The following CNBD1 variants were observed in gnomAD, a reference collection of about 807,000 sequenced individuals.
CNBD1 encodes cyclic nucleotide-binding domain-containing protein 1.
A neutral mutation model predicts 54.4 loss-of-function variants in CNBD1; 71 were observed. The observed-to-expected ratio is 1.30, with a 90% CI of 1.08 to 1.59. CNBD1 has a LOEUF of 1.59. CNBD1 is among the 40% of genes most tolerant of loss of function. The pLI, the probability that CNBD1 is intolerant of heterozygous loss-of-function variation, is 0.00. For synonymous variants in CNBD1, 182 were observed against 170.7 expected (o/e 1.07, Z -0.51); for missense variants, 659 against 518.0 (o/e 1.27, Z -2.64).
chr8:87,264,484 C>T (rs1190640121), intron 6 of CNBD1, among the ~76,000 whole-genome samples: 1 of 152,138 alleles, frequency 6.6e-6, no homozygotes, highest in Non-Finnish European at 1.5e-5. Flanking sequence ...TTTATAGTAG[C>T]ATGATTTATA....
At chr8:87,237,170 CTT>C in intron 6 of CNBD1, 58 bp downstream of exon 6, 1 of 1,045,866 alleles carries the variant, frequency 9.6e-7, no homozygotes, top group Non-Finnish European at 1.4e-6. Context: ...TTTTGTAAAA[CTT>C]TATCTCTTCC....
intron 8 of CNBD1, among the ~76,000 whole-genome samples, chr8:87,312,044 A>G (rs1466262280): frequency 6.6e-6 from 1 of 152,078 alleles, no homozygotes; most frequent in African/African-American, 2.4e-5. Flanking sequence ...AAACCACAGC[A>G]TCACGCGATA....
intron 8 of CNBD1, among the ~76,000 whole-genome samples, chr8:87,301,027 A>G (rs1321958296): frequency 6.6e-6 from 1 of 152,166 alleles, no homozygotes; most frequent in African/African-American, 2.4e-5. Flanking sequence ...ATTACAACTG[A>G]CACCACTGAA....
At chr8:87,412,171 G>T (rs1052356302) in intron 2 of CNBD1, among the ~76,000 whole-genome samples, 8 of 151,760 alleles carry the variant, frequency 5.3e-5, no homozygotes, top group Non-Finnish European at 1.2e-4. Context: ...CCTTCATTTT[G>T]TCTGCTTAAG....
intron 10 of CNBD1, among the ~76,000 whole-genome samples, chr8:87,382,318 A>G (rs985752785): frequency 6.6e-6 from 1 of 151,928 alleles, no homozygotes; most frequent in Non-Finnish European, 1.5e-5. Flanking sequence ...TCAATTTAAA[A>G]TATCAGCAAG....
intron 4 of CNBD1, among the ~76,000 whole-genome samples, chr8:86,982,629 A>G (rs1318061267): frequency 6.6e-6 from 1 of 152,224 alleles, no homozygotes; most frequent in East Asian, 1.9e-4. Context: ...ATTATATTTT[A>G]TGTTATGTAA....
At chr8:87,062,540 C>T (rs1374724483) in intron 4 of CNBD1, among the ~76,000 whole-genome samples, 1 of 152,026 alleles carries the variant, frequency 6.6e-6, no homozygotes, top group Non-Finnish European at 1.5e-5. Flanking sequence ...GAGTTCGAGA[C>T]CAGCCTGACC....
chr8:87,400,333 C>T (rs1016403612), intron 2 of CNBD1, among the ~76,000 whole-genome samples: 14 of 151,954 alleles, frequency 9.2e-5, no homozygotes, highest in Non-Finnish European at 1.9e-4. Context: ...GGTACCAGGA[C>T]TGGATTGCTG....
At chr8:87,105,369 G>A (rs1811512339) in intron 4 of CNBD1, among the ~76,000 whole-genome samples, 1 of 152,094 alleles carries the variant, frequency 6.6e-6, no homozygotes, top group African/African-American at 2.4e-5. Flanking sequence ...CACTTTATTG[G>A]ACACAAAATA....
chr8:87,186,821 T>C (rs1025818360), intron 4 of CNBD1, among the ~76,000 whole-genome samples: 9 of 152,116 alleles, frequency 5.9e-5, no homozygotes, highest in African/African-American at 2.2e-4. Flanking sequence ...TATGGCAAGA[T>C]TGTTAAAATG....
intron 4 of CNBD1, among the ~76,000 whole-genome samples, chr8:87,007,757 T>G (rs1809132823): frequency 6.6e-6 from 1 of 152,222 alleles, no homozygotes. Flanking sequence ...AATGTTTAGA[T>G]TTCTGTTGAG....
At chr8:87,320,805 T>C (rs1809509565) in intron 8 of CNBD1, among the ~76,000 whole-genome samples, 1 of 152,100 alleles carries the variant, frequency 6.6e-6, no homozygotes. Flanking sequence ...GCTCAGCATA[T>C]CTCTCTAATA....
rs1263921482 is a variant in CNBD1, at chr8:87,326,298, C to T, written c.1043-25387C>T. On this transcript the variant is annotated intron_variant, in intron 8 of 10. Coordinates refer to ENST00000518476, the MANE Select transcript of CNBD1 (RefSeq NM_173538.3). ...TGATGTGTCTTGGAGTTGCACTTCT[C>T]GAGGAATATCTTTGTGGCGTTCTCT... Among the ~76,000 whole-genome samples the T allele has an allele frequency of 4.9e-4, 60 of 122,908 alleles. 17 individuals carry two copies. The highest frequency in any genetic ancestry group is 1.4e-3 in the African/African-American group (47 of 33,194). The allele number at this position is 122,908 out of a possible 152,430, so 80.6% of individuals were successfully genotyped here. A position where few individuals can be genotyped will look rare whatever the true frequency, so the allele number is the denominator to read the frequency against.
intron 4 of CNBD1, among the ~76,000 whole-genome samples, chr8:87,053,864 T>C (rs899932133): frequency 6.6e-6 from 1 of 152,258 alleles, no homozygotes; most frequent in Admixed American, 6.5e-5. Context: ...ACTAAAGTAC[T>C]CATTCCTAAA....
At chr8:87,316,548 G>T (rs1809392198) in intron 8 of CNBD1, among the ~76,000 whole-genome samples, 1 of 151,930 alleles carries the variant, frequency 6.6e-6, no homozygotes. Flanking sequence ...GTGTCTAAAA[G>T]TTTATACTAC....
In CNBD1 at chr8:87,323,413, G is replaced by T. The variant is rs1053919154; in HGVS notation, c.1043-28272G>T. On this transcript the variant is annotated intron_variant, in intron 8 of 10. Coordinates refer to ENST00000518476, the MANE Select transcript of CNBD1 (RefSeq NM_173538.3). The stretch of plus-strand genomic sequence containing the variant: ...CCTTGGGCAGTACGGCCATTTTCAC[G>T]ATATTGATTCTTCCTACCCATGAGC... Among the ~76,000 whole-genome samples the T allele has an allele frequency of 6.5e-5, 9 of 139,414 alleles. No homozygotes were observed. In the South Asian group the frequency reaches 1.8e-3, roughly 28 times the overall value. 91.5% of individuals were successfully genotyped at this position (139,414 alleles called of 152,430 possible). A position where few individuals can be genotyped will look rare whatever the true frequency, so the allele number is the denominator to read the frequency against.
intron 3 of CNBD1, among the ~76,000 whole-genome samples, chr8:86,910,764 C>T (rs945480429): frequency 2.6e-5 from 4 of 152,066 alleles, no homozygotes; most frequent in East Asian, 1.9e-4. Context: ...AAAACTAGGA[C>T]GTGGACACAA....
intron 8 of CNBD1, among the ~76,000 whole-genome samples, chr8:87,319,222 G>A (rs531749904): frequency 3.3e-5 from 5 of 152,192 alleles, no homozygotes; most frequent in Non-Finnish European, 5.9e-5. Flanking sequence ...GTTTCAGGAG[G>A]ATAGTATTAC....
chr8:87,035,794 A>G (rs756620897), intron 4 of CNBD1, among the ~76,000 whole-genome samples: 13 of 152,084 alleles, frequency 8.5e-5, no homozygotes, highest in Middle Eastern at 3.2e-3. Flanking sequence ...GGCTCCATGG[A>G]GTTCTCCATG....
Sources: gnomAD v4.1 joint callset for allele counts (sites outside exome capture counted in the v4.1 genomes callset) on GRCh38, gnomAD v4.1.1 for gene constraint, MANE v1.5 for transcripts, NCBI Gene and HGNC (gene_info 2026-07-23, HGNC 2026-07-21) for gene names.